POGZ: variants seen among roughly 807,000 people sequenced by gnomAD.
POGZ encodes pogo transposable element with ZNF domain.
Under a neutral mutation model 134.6 loss-of-function variants are expected in POGZ, and 17 were observed. The observed-to-expected ratio is 0.13, with a 90% CI of 0.09 to 0.19. The LOEUF (loss-of-function observed/expected upper bound fraction) is 0.19, where lower values mean the gene tolerates loss of function less well. Ranked by LOEUF, POGZ falls within the 10% of genes least tolerant of loss-of-function variation. POGZ has a pLI of 1.00. For missense variants in POGZ, 1,306 were observed against 1,769.7 expected, an observed-to-expected ratio of 0.74 and a Z score of 4.70; for synonymous variants, 693 against 657.1, an observed-to-expected ratio of 1.05 and a Z score of -0.84.
rs1042373850 is a variant in POGZ at position 151,459,154 on chromosome 1, C to G, written c.-4G>C. On this transcript the variant is annotated splice_region_variant and 5_prime_UTR_variant, in exon 1 of 19. Coordinates refer to ENST00000271715, the MANE Select transcript of POGZ (RefSeq NM_015100.4). ...AGAAGGCTCGCTCGCTCACTCACCT[C>G]CTGTGGTCGTCGCCGCCGGTAGTCT... The G allele has an allele frequency of 6.6e-6, 1 of 151,288 alleles. No individual in the cohort carries two copies. Among genetic ancestry groups the G allele is most frequent in the African/African-American group, 2.4e-5 (1 of 41,222 alleles). The allele number at this position is 151,288 out of a possible 1,614,324, so 9.4% of individuals were successfully genotyped here.
At chr1:151,432,788 A>C (rs892802321) in intron 3 of POGZ, among the ~76,000 whole-genome samples, 1 of 152,226 alleles carries the variant, frequency 6.6e-6, no homozygotes, top group African/African-American at 2.4e-5. Flanking sequence ...AAAAGATAAA[A>C]GAATCATACC....
rs200049738 is a variant in POGZ at position 151,408,521 on chromosome 1, G to A, written c.2122C>T (p.Pro708Ser). The A allele has an allele frequency of 5.0e-6, 8 of 1,598,470 alleles. No individual in the cohort carries two copies. Among genetic ancestry groups the A allele is most frequent in the African/African-American group, 1.4e-5 (1 of 73,828 alleles). ...GCTGCCTCCTGCAAGGCGCTGGGAGGTGTATCATTAGAGGATACAGGAACA... is the reference window on the plus strand; with the variant it reads ...GCTGCCTCCTGCAAGGCGCTGGGAGATGTATCATTAGAGGATACAGGAACA... ...RTVPVSSNDT[P>S]PSALQEAAPL... Residue 708 changes from proline to serine, a missense_variant, in exon 14 of 19, where the codon CCT (proline) becomes TCT (serine). By Grantham distance (74) the Pro-to-Ser change is moderately conservative. Around this residue, in one of 10 missense-constraint regions of POGZ, gnomAD observed 149 missense variants for 237.5 expected, o/e 0.63. Coordinates refer to ENST00000271715, the MANE Select transcript of POGZ (RefSeq NM_015100.4).
At position 151,441,935 on chromosome 1, in the gene POGZ, G is replaced by A. The variant is rs1660598208; in HGVS notation, c.124+146C>T. The A allele has an allele frequency of 1.7e-5, 10 of 574,424 alleles. No homozygotes were observed. The South Asian group carries it at 2.3e-4, about 13-fold the overall frequency. The allele number at this position is 574,424 out of a possible 1,614,324, so 35.6% of individuals were successfully genotyped here. ...GAAACTGAGGTTTTCACAGACTAGA[G>A]CATGGGAAAAAAGGCAGCACCAGTG... On this transcript the variant is annotated intron_variant, in intron 2 of 18. Transcript: ENST00000271715.
chr1:151,425,102 C>T (rs1191632115), intron 7 of POGZ, 41 bp from the exon 8 acceptor site: 1 of 1,050,160 alleles, frequency 9.5e-7, no homozygotes, highest in East Asian at 2.5e-5. Context: ...AATACAATGA[C>T]ACTGGAAAAA....
At chr1:151,431,214 G>A (rs1658640977) in intron 3 of POGZ, among the ~76,000 whole-genome samples, 1 of 152,182 alleles carries the variant, frequency 6.6e-6, no homozygotes, top group East Asian at 1.9e-4. Context: ...GATGGGTAGG[G>A]GAGGTTCACT....
In POGZ at chr1:151,405,084, C is replaced by T. The variant is rs751176198; in HGVS notation, c.3951G>A (p.Glu1317=). The change falls in exon 19 of 19, where the codon GAG becomes GAA. Residue 1317 remains glutamate, a synonymous_variant. Transcript: ENST00000271715. The surrounding 1 kb of genome is among the most constrained non-coding windows in gnomAD (Gnocchi z 4.9). ...CCACCAGGAAGGAGCGCTGAACTAG[C>T]TCTGGACAGTCCCCAATGACACCTA... ...EVLGVIGDCP[E]LVQRSFLVAS... 2 of 1,614,212 alleles carry T rather than the reference C, an allele frequency of 1.2e-6. No individual in the cohort carries two copies. The highest frequency in any genetic ancestry group is 1.7e-6 in the Non-Finnish European group (2 of 1,180,038).
In POGZ at chr1:151,405,389, G is replaced by A. The variant is rs201333468; in HGVS notation, c.3646C>T (p.His1216Tyr). ...ELWSTRVWQK[H>Y]TACQRSKGML... ...CCTTTGCTGCGCTGGCAAGCTGTGT[G>A]CTTCTGCCACACTCGAGTTGACCAC... The change falls in exon 19 of 19, where the codon CAC becomes TAC. Residue 1216 changes from histidine (H) to tyrosine (Y), a missense_variant. This residue lies in a region of POGZ where 161 missense variants were observed against 185.4 expected (regional missense o/e 0.87). Coordinates refer to ENST00000271715, the MANE Select transcript of POGZ (RefSeq NM_015100.4). The surrounding 1 kb of genome is among the most constrained non-coding windows in gnomAD (Gnocchi z 4.9). 22 of 1,614,036 alleles carry A rather than the reference G, an allele frequency of 1.4e-5. No individual in the cohort carries two copies. The African/African-American group carries it at 2.9e-4, about 22-fold the overall frequency.
chr1:151,407,077 C>G, intron 16 of POGZ, 54 bp from the exon 17 acceptor site: 1 of 1,425,964 alleles, frequency 7.0e-7, no homozygotes, highest in East Asian at 2.3e-5. Context: ...ACACTTGAGA[C>G]CATTAAGCTT....
At chr1:151,452,445 G>A (rs1662238187) in intron 1 of POGZ, among the ~76,000 whole-genome samples, 1 of 151,732 alleles carries the variant, frequency 6.6e-6, no homozygotes, top group East Asian at 1.9e-4. Context: ...CAACCTCCTG[G>A]GCTCAGGTGA....
In POGZ at chr1:151,408,195, G is replaced by C; in HGVS notation, c.2280C>G (p.Ile760Met). 6.2e-7 allele frequency: 1 copy of C among 1,613,408 alleles called. No individual in the cohort carries two copies. Among genetic ancestry groups the C allele is most frequent in the Non-Finnish European group, 8.5e-7 (1 of 1,179,680 alleles). ...TAGGGAAATGATTAGGGAAGTCTGG[G>C]ATCTCGAAGCTGCACTCCAGGCATG... ...RQTCLECSFEIPDFPNHFPTY... is the reference protein window; with the variant it reads ...RQTCLECSFEMPDFPNHFPTY... The change falls in exon 15 of 19, where the codon ATC (isoleucine) becomes ATG (methionine). Residue 760 changes from isoleucine (I) to methionine (M), a missense_variant. Physicochemically the swap from Ile to Met is conservative, Grantham distance 10. This residue lies in a region of POGZ where 34 missense variants were observed against 95.5 expected (regional missense o/e 0.36). Coordinates refer to ENST00000271715, the MANE Select transcript of POGZ (RefSeq NM_015100.4).
rs1321977070 is a variant in POGZ at position 151,405,206 on chromosome 1, G to A, written c.3829C>T (p.His1277Tyr). ...CIKRTVKNFL[H>Y]KKWKEQAREM... ...CGAGCCTGTTCCTTCCATTTTTTAT[G>A]CAGGAAGTTCTTGACAGTTCTTTTG... The change falls in exon 19 of 19, where the codon CAT becomes TAT. Residue 1277 changes from histidine (H) to tyrosine (Y), a missense_variant. His to Tyr is a moderately conservative substitution (Grantham distance 83). Transcript: ENST00000271715. The surrounding 1 kb of genome is among the most constrained non-coding windows in gnomAD (Gnocchi z 4.9). 6 of 1,613,990 alleles carry A rather than the reference G, an allele frequency of 3.7e-6. No individual in the cohort carries two copies. The highest frequency in any genetic ancestry group is 5.1e-6 in the Non-Finnish European group (6 of 1,179,976).
intron 12 of POGZ, among the ~76,000 whole-genome samples, chr1:151,410,177 T>C (rs1654419676): frequency 6.6e-6 from 1 of 152,248 alleles, no homozygotes; most frequent in South Asian, 2.1e-4. Flanking sequence ...AACGAAGTCA[T>C]AGCTTTTCAT....
chr1:151,441,288 A>G (rs1571534777), intron 2 of POGZ, among the ~76,000 whole-genome samples: 1 of 152,308 alleles, frequency 6.6e-6, no homozygotes, highest in East Asian at 1.9e-4. Flanking sequence ...TTCGTCTCAC[A>G]TCTCCTGGTT....
At chr1:151,407,395 G>A in intron 15 of POGZ, 104 bp from the exon 16 acceptor site, 2 of 756,282 alleles carry the variant, frequency 2.6e-6, no homozygotes, top group South Asian at 1.7e-5. Context: ...CTTCTTCAGT[G>A]CACCCTAATC....
At chr1:151,436,539 G>C (rs1441010002) in intron 3 of POGZ, among the ~76,000 whole-genome samples, 1 of 152,050 alleles carries the variant, frequency 6.6e-6, no homozygotes, top group Non-Finnish European at 1.5e-5. Context: ...CGCCTCCCGA[G>C]TGCAAACGAT....
intron 10 of POGZ, among the ~76,000 whole-genome samples, chr1:151,414,577 G>C (rs1212578498): frequency 6.6e-6 from 1 of 152,228 alleles, no homozygotes; most frequent in Non-Finnish European, 1.5e-5. Context: ...GAGGTTGGGA[G>C]TTCAAGACAA....
intron 1 of POGZ, among the ~76,000 whole-genome samples, chr1:151,443,812 C>T (rs1046136854): frequency 6.6e-6 from 1 of 152,192 alleles, no homozygotes; most frequent in African/African-American, 2.4e-5. Flanking sequence ...TAACAGTTTA[C>T]TAAGGGTCAG....
chr1:151,405,639 C>T lies in POGZ; in HGVS notation c.3396G>A (p.Leu1132=), dbSNP rs1653445519. The part of the protein sequence containing the change: ...IVAIDEISLF[L]DTEVLSSDDR... ...CATCACTGCTCAGCACCTCTGTATCCAGGAACAAAGAGATCTCATCAATAG... is the reference window on the plus strand; with the variant it reads ...CATCACTGCTCAGCACCTCTGTATCTAGGAACAAAGAGATCTCATCAATAG... Residue 1132 remains leucine (L), a synonymous_variant, in exon 19 of 19, where the codon CTG becomes CTA. Transcript: ENST00000271715. This position sits in a 1 kb window ranked among gnomAD's most constrained non-coding sequence, Gnocchi z 4.9. 4 of 1,614,054 alleles carry T rather than the reference C, an allele frequency of 2.5e-6. No individual in the cohort carries two copies. Among genetic ancestry groups the T allele is most frequent in the Non-Finnish European group, 8.5e-7 (1 of 1,180,036 alleles).
intron 17 of POGZ, 82 bp from the exon 18 acceptor site, chr1:151,406,713 C>T: frequency 8.1e-7 from 1 of 1,230,242 alleles, no homozygotes; most frequent in Non-Finnish European, 1.2e-6. Flanking sequence ...ATTCAACTTA[C>T]TACATACAAA....
Sources: gnomAD v4.1 joint callset for allele counts (sites outside exome capture counted in the v4.1 genomes callset) on GRCh38, gnomAD v4.1.1 for gene constraint, gnomAD v4.1.1 regional missense constraint, Gnocchi (gnomAD v3.1) non-coding constraint, MANE v1.5 for transcripts, NCBI Gene and HGNC (gene_info 2026-07-23, HGNC 2026-07-21) for gene names.